The following PRIM2 variants were observed in gnomAD, a reference collection of about 807,000 sequenced individuals.
PRIM2 encodes the protein DNA primase subunit 2, also known as DNA primase large subunit.
PRIM2 carries 39 observed loss-of-function variants against 67.3 expected under a neutral mutation model. That is an observed-to-expected ratio of 0.58 (90% CI 0.45 to 0.76). The LOEUF is 0.76. Among genes scored for constraint, PRIM2 ranks in the 30% least tolerant of loss-of-function variants. PRIM2 has a pLI of 0.00. For missense variants in PRIM2, 398 were observed against 598.7 expected (o/e 0.66, Z 3.50); for synonymous variants, 143 against 198.7 (o/e 0.72, Z 2.36).
chr6:57,487,381 G>A lies in PRIM2; in HGVS notation c.694-20006G>A, dbSNP rs1358958463. ...GTAGCTGGGACTACAGGTGCATGCC[G>A]CCATGCCTGGCTAATTTTTGTATTT... On this transcript the variant is annotated intron_variant, in intron 7 of 13. Coordinates refer to ENST00000615550, the MANE Select transcript of PRIM2 (RefSeq NM_000947.5). 9.8e-4 allele frequency among the ~76,000 whole-genome samples: 149 copies of A among 152,048 alleles called. 2 individuals carry two copies. The Middle Eastern group carries it at 0.014, about 14-fold the overall frequency.
chr6:57,517,761 C>T (rs1774517954), intron 8 of PRIM2, among the ~76,000 whole-genome samples: 1 of 152,074 alleles, frequency 6.6e-6, no homozygotes, highest in South Asian at 2.1e-4. Context: ...GCTCCTAAGT[C>T]AGGGCAGCTC....
chr6:57,235,393 G>T, the PRIM2 span, among the ~76,000 whole-genome samples: 5 of 152,270 alleles, frequency 3.3e-5, no homozygotes, highest in South Asian at 6.2e-4. Flanking sequence ...GAACCCAGGA[G>T]GGGGAGATTG....
intron 8 of PRIM2, among the ~76,000 whole-genome samples, chr6:57,527,165 A>G (rs1390228565): frequency 6.6e-6 from 1 of 152,154 alleles, no homozygotes; most frequent in Non-Finnish European, 1.5e-5. Flanking sequence ...GCTTCTGTCA[A>G]TGTTTCATTA....
At chr6:57,263,405 G>C in the PRIM2 span, among the ~76,000 whole-genome samples, 1 of 152,140 alleles carries the variant, frequency 6.6e-6, no homozygotes, top group Non-Finnish European at 1.5e-5. Context: ...GCTTCTGGTG[G>C]CTCTTGGCAA....
rs1582016682 is a variant in PRIM2 at position 57,606,405 on chromosome 6, T to A, written c.1178T>A (p.Leu393Gln). Reference sequence around the variant, plus strand: ...CCATTCCGTCACAGTGATCCAGAGCTGCTGAAGCAAAAGTTGCAGTCATAC... The same window carrying A: ...CCATTCCGTCACAGTGATCCAGAGCAGCTGAAGCAAAAGTTGCAGTCATAC... Reference protein sequence around the residue: ...GCPFRHSDPELLKQKLQSYKI... With the variant: ...GCPFRHSDPEQLKQKLQSYKI... Residue 393 changes from leucine (L) to glutamine (Q), a missense_variant, in exon 12 of 14, where the codon CTG becomes CAG. Coordinates refer to ENST00000615550, the MANE Select transcript of PRIM2 (RefSeq NM_000947.5). 13 of 1,599,294 alleles carry A rather than the reference T, an allele frequency of 8.1e-6. No homozygotes were observed. Among genetic ancestry groups the A allele is most frequent in the Non-Finnish European group, 9.4e-6 (11 of 1,172,144 alleles).
At chr6:57,233,547 C>A in the PRIM2 span, among the ~76,000 whole-genome samples, 1 of 152,052 alleles carries the variant, frequency 6.6e-6, no homozygotes, top group Admixed American at 6.6e-5. Flanking sequence ...GATGCCTGTT[C>A]CACTCCTAGG....
intron 5 of PRIM2, among the ~76,000 whole-genome samples, chr6:57,326,652 TGGA>T (rs1213273220): frequency 6.6e-6 from 1 of 150,564 alleles, no homozygotes; most frequent in African/African-American, 2.4e-5. Context: ...ACCCGGGAGG[TGGA>T]GGTTGCAATG....
chr6:57,301,632 T>C, the PRIM2 span, among the ~76,000 whole-genome samples: 1 of 152,140 alleles, frequency 6.6e-6, no homozygotes, highest in East Asian at 1.9e-4. Context: ...TGAAACCCCA[T>C]CTCTACCAAA....
At chr6:57,366,215 A>G (rs1769353565) in intron 5 of PRIM2, among the ~76,000 whole-genome samples, 1 of 152,198 alleles carries the variant, frequency 6.6e-6, no homozygotes, top group Non-Finnish European at 1.5e-5. Flanking sequence ...CAGGGTATAG[A>G]AAGACATTTC....
intron 7 of PRIM2, among the ~76,000 whole-genome samples, chr6:57,418,487 C>T (rs1251595080): frequency 1.4e-5 from 2 of 145,050 alleles, no homozygotes; most frequent in African/African-American, 5.1e-5. Context: ...ACCTCTGCCT[C>T]CCGGGTTCAA....
intron 7 of PRIM2, among the ~76,000 whole-genome samples, chr6:57,493,151 A>G (rs1773933937): frequency 6.6e-6 from 1 of 152,126 alleles, no homozygotes; most frequent in African/African-American, 2.4e-5. Context: ...TTTCTTCCAG[A>G]TTTATTCTTG....
intron 7 of PRIM2, among the ~76,000 whole-genome samples, chr6:57,402,729 G>T (rs1195010904): frequency 6.6e-6 from 1 of 152,194 alleles, no homozygotes; most frequent in Non-Finnish European, 1.5e-5. Flanking sequence ...TTATGAGTTT[G>T]AATTTTAGTG....
intron 12 of PRIM2, among the ~76,000 whole-genome samples, chr6:57,613,521 C>T (rs1776701809): frequency 6.6e-6 from 1 of 152,124 alleles, no homozygotes; most frequent in Non-Finnish European, 1.5e-5. Context: ...AACCCTTATC[C>T]CTCTGAGCTC....
chr6:57,438,890 A>G (rs1772102149), intron 7 of PRIM2, among the ~76,000 whole-genome samples: 2 of 151,684 alleles, frequency 1.3e-5, no homozygotes, highest in South Asian at 4.2e-4. Flanking sequence ...CTCCTGCCTC[A>G]GCCTCCCGAG....
intron 5 of PRIM2, among the ~76,000 whole-genome samples, chr6:57,366,243 G>A (rs2127318499): frequency 6.6e-6 from 1 of 152,298 alleles, no homozygotes; most frequent in South Asian, 2.1e-4. Context: ...GGAAATATGT[G>A]TAAAGTCATA....
At chr6:57,255,371 A>G in the PRIM2 span, among the ~76,000 whole-genome samples, 5 of 151,808 alleles carry the variant, frequency 3.3e-5, no homozygotes, top group East Asian at 3.9e-4. Context: ...GGTGGCGGGC[A>G]CCTGTAGTCC....
chr6:57,316,250 C>A (rs1767480153), upstream of PRIM2, among the ~76,000 whole-genome samples: 1 of 152,114 alleles, frequency 6.6e-6, no homozygotes, highest in Non-Finnish European at 1.5e-5. Context: ...ATGGTGAAAC[C>A]CCATCTTTAC....
At chr6:57,422,108 T>C (rs1392719335) in intron 7 of PRIM2, among the ~76,000 whole-genome samples, 1 of 151,166 alleles carries the variant, frequency 6.6e-6, no homozygotes, top group Non-Finnish European at 1.5e-5. Context: ...TTTGCATTAA[T>C]TTATGTAGTC....
chr6:57,572,747 GTGATGGGGGGTACATCCAT>G (rs1469368997), intron 10 of PRIM2, among the ~76,000 whole-genome samples: 1 of 152,158 alleles, frequency 6.6e-6, no homozygotes, highest in Non-Finnish European at 1.5e-5. Flanking sequence ...ACCAAATCAC[GTGATGGGGGGTACATCCAT>G]TGTTTAAACA....
Sources: gnomAD v4.1 joint callset for allele counts (sites outside exome capture counted in the v4.1 genomes callset) on GRCh38, gnomAD v4.1.1 for gene constraint, MANE v1.5 for transcripts, NCBI Gene and HGNC (gene_info 2026-07-23, HGNC 2026-07-21) for gene names.